Variants in CHCHD3 observed in about 807,000 individuals in gnomAD.
The protein encoded by CHCHD3 is MICOS complex subunit MIC19.
In CHCHD3, 20 loss-of-function variants were observed where a neutral mutation model predicts 38.2. That is an observed-to-expected ratio of 0.52 (90% CI 0.37 to 0.76). The LOEUF (loss-of-function observed/expected upper bound fraction) is 0.76. CHCHD3 is among the 30% of genes least tolerant of loss of function. The pLI is 0.00. For synonymous variants in CHCHD3, 82 were observed against 100.0 expected, an observed-to-expected ratio of 0.82 and a Z score of 1.07; for missense variants, 245 against 279.2, an observed-to-expected ratio of 0.88 and a Z score of 0.87.
chr7:132,983,022 T>C (rs1013929319), intron 3 of CHCHD3, among the ~76,000 whole-genome samples: 7 of 152,128 alleles, frequency 4.6e-5, no homozygotes, highest in African/African-American at 1.7e-4. Flanking sequence ...TACGAATCTA[T>C]TATTAAAAAG....
intron 3 of CHCHD3, among the ~76,000 whole-genome samples, chr7:132,996,147 C>T (rs775486241): frequency 2.6e-5 from 4 of 152,198 alleles, no homozygotes; most frequent in Admixed American, 2.0e-4. Flanking sequence ...GCTCAAGACC[C>T]TCAAAGTAAA....
chr7:132,942,358 T>C (rs1257896423), intron 4 of CHCHD3, among the ~76,000 whole-genome samples: 1 of 152,150 alleles, frequency 6.6e-6, no homozygotes, highest in Non-Finnish European at 1.5e-5. Flanking sequence ...CTTTTTTTCA[T>C]AGTTAGTAAA....
intron 3 of CHCHD3, among the ~76,000 whole-genome samples, chr7:133,012,993 C>T (rs968427730): frequency 2.6e-5 from 4 of 151,762 alleles, no homozygotes; most frequent in Non-Finnish European, 5.9e-5. Context: ...TGAGACCAGC[C>T]TGGCCAACAT....
rs559652863 is a variant in CHCHD3 at position 132,972,921 on chromosome 7, C to T, written c.369+2248G>A. The T allele has an allele frequency of 6.1e-6, 6 of 985,392 alleles. No individual in the cohort carries two copies. In the South Asian group the frequency reaches 2.8e-4, roughly 46 times the overall value. The allele number at this position is 985,392 out of a possible 1,614,324, so 61.0% of individuals were successfully genotyped here. A position where few individuals can be genotyped will look rare whatever the true frequency, so the allele number is the denominator to read the frequency against. ...AGCTACACAAAGCAGTAAAGACAGA[C>T]AATAGACAAGATTTATTAGGTAAAA... is the stretch of plus-strand genomic sequence containing the variant. On this transcript the variant is annotated intron_variant, in intron 4 of 7. Transcript: ENST00000262570.
intron 2 of CHCHD3, chr7:133,034,837 G>A (rs1395904917): frequency 6.2e-7 from 1 of 1,610,694 alleles, no homozygotes; most frequent in Admixed American, 1.7e-5. Context: ...GTTCCAAAAA[G>A]GATGACACTG....
intron 5 of CHCHD3, among the ~76,000 whole-genome samples, chr7:132,841,265 G>A (rs977365267): frequency 2.0e-5 from 3 of 152,096 alleles, no homozygotes; most frequent in Non-Finnish European, 2.9e-5. Flanking sequence ...TCTGACATGG[G>A]AGAAAAGAAC....
intron 4 of CHCHD3, among the ~76,000 whole-genome samples, chr7:132,969,874 A>C (rs1324179751): frequency 6.6e-6 from 1 of 152,224 alleles, no homozygotes; most frequent in African/African-American, 2.4e-5. Flanking sequence ...AGGGGACCTC[A>C]GAGAAACTTA....
chr7:132,970,962 TA>T (rs796130511), intron 4 of CHCHD3, among the ~76,000 whole-genome samples: 1 of 151,962 alleles, frequency 6.6e-6, no homozygotes, highest in Non-Finnish European at 1.5e-5. Flanking sequence ...AATTAAAATT[TA>T]AAAAATCTAA....
At chr7:133,022,298 G>A in intron 3 of CHCHD3, 1 of 396,586 alleles carries the variant, frequency 2.5e-6, no homozygotes, top group East Asian at 7.2e-5. Context: ...AGGGAAAAGA[G>A]AAAACTTGGC....
At chr7:132,885,077 C>G (rs560988436) in intron 5 of CHCHD3, among the ~76,000 whole-genome samples, 3 of 152,038 alleles carry the variant, frequency 2.0e-5, no homozygotes, top group Non-Finnish European at 2.9e-5. Flanking sequence ...CATGGTGAAA[C>G]CCTGTCTCTA....
chr7:132,812,445 G>C (rs1300620496), intron 6 of CHCHD3, among the ~76,000 whole-genome samples: 1 of 152,022 alleles, frequency 6.6e-6, no homozygotes, highest in Non-Finnish European at 1.5e-5. Flanking sequence ...TTGACCTCAA[G>C]TGATCTACCC....
intron 4 of CHCHD3, among the ~76,000 whole-genome samples, chr7:132,912,107 T>C (rs544567890): frequency 8.9e-4 from 135 of 152,344 alleles, no homozygotes; most frequent in African/African-American, 3.0e-3. Flanking sequence ...ATATGTAATG[T>C]ATCACCTTCA....
chr7:133,063,950 G>C (rs573783012), intron 2 of CHCHD3, among the ~76,000 whole-genome samples: 168 of 152,230 alleles, frequency 1.1e-3, no homozygotes, highest in African/African-American at 3.9e-3. Flanking sequence ...TTAGCCTCAA[G>C]TTTGGCTCAA....
chr7:132,999,111 C>G (rs1418601950), intron 3 of CHCHD3, among the ~76,000 whole-genome samples: 1 of 152,070 alleles, frequency 6.6e-6, no homozygotes, highest in African/African-American at 2.4e-5. Context: ...AGAGAGAGAC[C>G]CTGTCTCAAA....
intron 2 of CHCHD3, among the ~76,000 whole-genome samples, chr7:133,037,198 T>C (rs576514939): frequency 6.6e-6 from 1 of 152,198 alleles, no homozygotes; most frequent in Non-Finnish European, 1.5e-5. Context: ...TAAAAATTCA[T>C]CTTCATGACA....
intron 4 of CHCHD3, among the ~76,000 whole-genome samples, chr7:132,974,865 C>T (rs1405539446): frequency 6.6e-6 from 1 of 151,062 alleles, no homozygotes; most frequent in Non-Finnish European, 1.5e-5. Flanking sequence ...CAGAGCAAGA[C>T]TCCGTCTCAA....
intron 3 of CHCHD3, among the ~76,000 whole-genome samples, chr7:132,997,379 G>C (rs1481030443): frequency 2.0e-5 from 3 of 152,122 alleles, no homozygotes; most frequent in African/African-American, 7.2e-5. Context: ...GTCAATGATA[G>C]CTCAAGTAAA....
rs1807928843 is a variant in CHCHD3, at chr7:132,841,119, C to A, written c.454-2650G>T. Among the ~76,000 whole-genome samples the A allele has an allele frequency of 2.0e-5, 3 of 152,124 alleles. No individual in the cohort carries two copies. The South Asian group carries it at 6.2e-4, about 31-fold the overall frequency. ...CATGTAACAACCAAGGGAATAAACA[C>A]AAGTATTCTCAAGATCTATGTGTAG... On this transcript the variant is annotated intron_variant, in intron 5 of 7. Transcript: ENST00000262570.
At chr7:132,789,123 T>G (rs183904062) in intron 7 of CHCHD3, among the ~76,000 whole-genome samples, 2 of 152,332 alleles carry the variant, frequency 1.3e-5, no homozygotes, top group African/African-American at 4.8e-5. Flanking sequence ...CTACTGTCTC[T>G]GTATTGGTTC....
Sources: gnomAD v4.1 joint callset for allele counts (sites outside exome capture counted in the v4.1 genomes callset) on GRCh38, gnomAD v4.1.1 for gene constraint, MANE v1.5 for transcripts, NCBI Gene and HGNC (gene_info 2026-07-23, HGNC 2026-07-21) for gene names.